The following TPMT variants were observed in gnomAD, a reference collection of about 807,000 sequenced individuals.
TPMT encodes the protein thiopurine S-methyltransferase.
TPMT carries 18 observed loss-of-function variants against 34.2 expected under a neutral mutation model. The observed-to-expected ratio is 0.53, with a 90% CI of 0.36 to 0.78. TPMT has a LOEUF of 0.78. Ranked by LOEUF, TPMT falls within the 30% of genes least tolerant of loss-of-function variation. The probability of loss-of-function intolerance (pLI) is 0.00; values close to 1 mark genes in which losing one functional copy is unlikely to be tolerated. For synonymous variants in TPMT, 69 were observed against 92.4 expected, an observed-to-expected ratio of 0.75 and a Z score of 1.45; for missense variants, 265 against 288.1, an observed-to-expected ratio of 0.92 and a Z score of 0.58.
In TPMT at chr6:18,138,780, G is replaced by C. The variant is rs928946489; in HGVS notation, c.494+183C>G. On this transcript the variant is annotated intron_variant, in intron 6 of 8. Transcript: ENST00000309983. The surrounding 1 kb of genome is among the most constrained non-coding windows in gnomAD (Gnocchi z 4.1). Reference sequence around the variant, plus strand: ...ACAAGCCTTATAGCCTTACACCCAGGTCTCTGTAGTCAAATCCTATACTTT... The same window carrying C: ...ACAAGCCTTATAGCCTTACACCCAGCTCTCTGTAGTCAAATCCTATACTTT... Among the ~76,000 whole-genome samples the C allele has an allele frequency of 2.6e-5, 4 of 152,106 alleles. No individual in the cohort carries two copies. Among genetic ancestry groups the C allele is most frequent in the African/African-American group, 4.8e-5 (2 of 41,408 alleles).
In TPMT at chr6:18,130,640, G is replaced by A. The variant is rs1356341799; in HGVS notation, c.*28C>T. 7.1e-7 allele frequency: 1 copy of A among 1,412,620 alleles called. No individual in the cohort carries two copies. Among genetic ancestry groups the A allele is most frequent in the East Asian group, 2.3e-5 (1 of 43,884 alleles). The allele number at this position is 1,412,620 out of a possible 1,614,324, so 87.5% of individuals were successfully genotyped here. ...TTTTCAATTCCTCAAAAACATGTCA[G>A]TGTGATTTTATTTTATCTATGTCTC... On this transcript the variant is annotated 3_prime_UTR_variant, in exon 9 of 9. Coordinates refer to ENST00000309983, the MANE Select transcript of TPMT (RefSeq NM_000367.5). This position sits in a 1 kb window ranked among gnomAD's most constrained non-coding sequence, Gnocchi z 4.2.
chr6:18,149,134 A>G lies in TPMT; in HGVS notation c.-7T>C, dbSNP rs1784303642. 2 of 1,614,072 alleles carry G rather than the reference A, an allele frequency of 1.2e-6. No individual in the cohort carries two copies. The highest frequency in any genetic ancestry group is 1.7e-6 in the Non-Finnish European group (2 of 1,180,016). On this transcript the variant is annotated 5_prime_UTR_variant, in exon 2 of 9. It removes the in-frame stop codon of an upstream open reading frame in the 5' UTR. Transcript: ENST00000309983. This position sits in a 1 kb window ranked among gnomAD's most constrained non-coding sequence, Gnocchi z 5.0. ...AAGTTCTTGTACCATCCATAGTTTC[A>G]GAGACACCTTTGTCTCACAAGCATA...
Position 18,150,338 on chromosome 6 carries a change from C to T in TPMT, c.-44-1167G>A, listed in dbSNP as rs368375655. Reference sequence around the variant, plus strand: ...TTGGGTTTTTATGTAGGCTTCATCACGTAGGCATTATTGTACTTACTCCTA... The same window carrying T: ...TTGGGTTTTTATGTAGGCTTCATCATGTAGGCATTATTGTACTTACTCCTA... On this transcript the variant is annotated intron_variant, in intron 1 of 8. Coordinates refer to ENST00000309983, the MANE Select transcript of TPMT (RefSeq NM_000367.5). This position sits in a 1 kb window ranked among gnomAD's most constrained non-coding sequence, Gnocchi z 5.3. 6.6e-6 allele frequency among the ~76,000 whole-genome samples: 1 copy of T among 152,218 alleles called. No individual in the cohort carries two copies. The highest frequency in any genetic ancestry group is 1.9e-4 in the East Asian group (1 of 5,202).
rs1209514513 is a variant in TPMT at position 18,136,423 on chromosome 6, C to T, written c.495-2534G>A. ...GTATAATCTGTTCAGTTACTTGCCCCGCCTCTGGCATACTATCTATTTGGA... is the reference window on the plus strand; with the variant it reads ...GTATAATCTGTTCAGTTACTTGCCCTGCCTCTGGCATACTATCTATTTGGA... On this transcript the variant is annotated intron_variant, in intron 6 of 8. Coordinates refer to ENST00000309983, the MANE Select transcript of TPMT (RefSeq NM_000367.5). The surrounding 1 kb of genome is among the most constrained non-coding windows in gnomAD (Gnocchi z 4.7). Among the ~76,000 whole-genome samples the T allele has an allele frequency of 6.6e-6, 1 of 152,008 alleles. No homozygotes were observed. The highest frequency in any genetic ancestry group is 1.5e-5 in the Non-Finnish European group (1 of 67,994).
intron 1 of TPMT, among the ~76,000 whole-genome samples, chr6:18,151,826 TTC>T (rs1357596707): frequency 6.6e-6 from 1 of 152,076 alleles, no homozygotes. Flanking sequence ...GTCTTAAGGA[TTC>T]TGTCGTTGGA....
rs142371514 is a variant in TPMT, at chr6:18,136,071, G to A, written c.495-2182C>T. 1.6e-3 allele frequency among the ~76,000 whole-genome samples: 247 copies of A among 152,216 alleles called. No homozygotes were observed. The highest frequency in any genetic ancestry group is 0.01 in the Middle Eastern group (3 of 294). ...CTCAGCCTCCCAAAGTGCTGGGTCC[G>A]CTCTTGGTCTGCACGTGGTGACTTT... On this transcript the variant is annotated intron_variant, in intron 6 of 8. Coordinates refer to ENST00000309983, the MANE Select transcript of TPMT (RefSeq NM_000367.5). The surrounding 1 kb of genome is among the most constrained non-coding windows in gnomAD (Gnocchi z 4.7).
rs1367902548 is a variant in TPMT at position 18,150,401 on chromosome 6, A to G, written c.-44-1230T>C. On this transcript the variant is annotated intron_variant, in intron 1 of 8. Coordinates refer to ENST00000309983, the MANE Select transcript of TPMT (RefSeq NM_000367.5). This position sits in a 1 kb window ranked among gnomAD's most constrained non-coding sequence, Gnocchi z 5.3. Reference sequence around the variant, plus strand: ...ATTCTGCCAATTGTCCCAATTTCCTATCAGTACACAGTCAGTCTCTCCAGT... The same window carrying G: ...ATTCTGCCAATTGTCCCAATTTCCTGTCAGTACACAGTCAGTCTCTCCAGT... Among the ~76,000 whole-genome samples, 1 of 152,100 alleles carries G rather than the reference A, an allele frequency of 6.6e-6. No homozygotes were observed. Among genetic ancestry groups the G allele is most frequent in the Non-Finnish European group, 1.5e-5 (1 of 68,010 alleles).
chr6:18,132,074 G>T lies in TPMT; in HGVS notation c.625+59C>A. 21 of 1,586,696 alleles carry T rather than the reference G, an allele frequency of 1.3e-5. No homozygotes were observed. Among genetic ancestry groups the T allele is most frequent in the Non-Finnish European group, 1.8e-5 (21 of 1,155,978 alleles). On this transcript the variant is annotated intron_variant, in intron 8 of 8. Coordinates refer to ENST00000309983, the MANE Select transcript of TPMT (RefSeq NM_000367.5). The surrounding 1 kb of genome is among the most constrained non-coding windows in gnomAD (Gnocchi z 4.8). Reference sequence around the variant, plus strand: ...ATACAGGCATGAGCCAGCACGCCAGGCCCAAAAGAGTTAACTTGACTTTGT... The same window carrying T: ...ATACAGGCATGAGCCAGCACGCCAGTCCCAAAAGAGTTAACTTGACTTTGT...
At chr6:18,141,442 C>T (rs1050995211) in intron 4 of TPMT, among the ~76,000 whole-genome samples, 8 of 151,472 alleles carry the variant, frequency 5.3e-5, no homozygotes, top group African/African-American at 1.5e-4. Context: ...CAGGTTCAAG[C>T]GATTCTCCTG....
intron 7 of TPMT, 103 bp downstream of exon 7, chr6:18,133,701 T>C: frequency 1.2e-6 from 1 of 869,450 alleles, no homozygotes; most frequent in Non-Finnish European, 1.8e-6. Context: ...GTATGCTTCC[T>C]ATGAGATAAA....
In TPMT at chr6:18,148,891, C is replaced by G; in HGVS notation, c.140+97G>C. ...AAAATGTGAAGAATTAAATGTGCAT[C>G]CTAAAAGTTAGTCAAATAATGTGTA... On this transcript the variant is annotated intron_variant, in intron 2 of 8. Coordinates refer to ENST00000309983, the MANE Select transcript of TPMT (RefSeq NM_000367.5). This position sits in a 1 kb window ranked among gnomAD's most constrained non-coding sequence, Gnocchi z 4.1. The G allele has an allele frequency of 6.4e-7, 1 of 1,565,800 alleles. No homozygotes were observed. The highest frequency in any genetic ancestry group is 1.7e-5 in the Admixed American group (1 of 59,782).
At chr6:18,141,292 A>T (rs1291175365) in intron 4 of TPMT, among the ~76,000 whole-genome samples, 1 of 151,824 alleles carries the variant, frequency 6.6e-6, no homozygotes, top group African/African-American at 2.4e-5. Flanking sequence ...TGGGAGGAAG[A>T]TGTGAAATAA....
Position 18,143,734 on chromosome 6 carries a change from T to C in TPMT, c.234-6A>G, listed in dbSNP as rs1257553930. On this transcript the variant is annotated splice_region_variant and splice_polypyrimidine_tract_variant and intron_variant, in intron 3 of 8. Coordinates refer to ENST00000309983, the MANE Select transcript of TPMT (RefSeq NM_000367.5). The surrounding 1 kb of genome is among the most constrained non-coding windows in gnomAD (Gnocchi z 6.1). Reference sequence around the variant, plus strand: ...TGTGTCCCCGGTCTGCAAACCTGCATAAAATCATACATTTACACTTAAATT... The same window carrying C: ...TGTGTCCCCGGTCTGCAAACCTGCACAAAATCATACATTTACACTTAAATT... The C allele has an allele frequency of 6.2e-6, 10 of 1,613,904 alleles. No individual in the cohort carries two copies. Among genetic ancestry groups the C allele is most frequent in the Non-Finnish European group, 7.6e-6 (9 of 1,179,998 alleles).
chr6:18,147,967 CTT>C, intron 2 of TPMT, 52 bp from the exon 3 acceptor site: 1 of 1,347,062 alleles, frequency 7.4e-7, no homozygotes, highest in Non-Finnish European at 1.1e-6. Context: ...TAGGTGAACA[CTT>C]TTCATTCATT....
At position 18,130,401 on chromosome 6, in the gene TPMT, C is replaced by T; in HGVS notation, c.*267G>A. On this transcript the variant is annotated 3_prime_UTR_variant, in exon 9 of 9. Coordinates refer to ENST00000309983, the MANE Select transcript of TPMT (RefSeq NM_000367.5). The surrounding 1 kb of genome is among the most constrained non-coding windows in gnomAD (Gnocchi z 4.2). ...TAACACATGCTGATTGGTAAAATATCTTGCAATCTGCAAGACACATAGGCA... is the reference window on the plus strand; with the variant it reads ...TAACACATGCTGATTGGTAAAATATTTTGCAATCTGCAAGACACATAGGCA... 4 of 380,530 alleles carry T rather than the reference C, an allele frequency of 1.1e-5. No individual in the cohort carries two copies. In the South Asian group the frequency reaches 1.2e-4, roughly 12 times the overall value. 23.6% of individuals were successfully genotyped at this position (380,530 alleles called of 1,614,324 possible).
Position 18,139,189 on chromosome 6 carries a change from G to A in TPMT, c.420-152C>T, listed in dbSNP as rs1404850071. 3 of 753,558 alleles carry A rather than the reference G, an allele frequency of 4.0e-6. No homozygotes were observed. The highest frequency in any genetic ancestry group is 3.5e-5 in the African/African-American group (2 of 57,338). 46.7% of individuals were successfully genotyped at this position (753,558 alleles called of 1,614,324 possible). ...TCCTCCTAGAGGAATGTGTGGACCT[G>A]GGTGTGGAGAGCTGTCCATCCCCTC... On this transcript the variant is annotated intron_variant, in intron 5 of 8. Transcript: ENST00000309983. The surrounding 1 kb of genome is among the most constrained non-coding windows in gnomAD (Gnocchi z 4.2).
At chr6:18,142,980 C>T (rs1784172712) in intron 4 of TPMT, among the ~76,000 whole-genome samples, 1 of 152,058 alleles carries the variant, frequency 6.6e-6, no homozygotes, top group Admixed American at 6.6e-5. Context: ...TGTCTCTCTG[C>T]CAGGAGGCTA....
Position 18,148,390 on chromosome 6 carries a change from T to TATG in TPMT, c.141-478_141-476dup, listed in dbSNP as rs775698594. Among the ~76,000 whole-genome samples, 359 of 151,898 alleles carry TATG rather than the reference T, an allele frequency of 2.4e-3. No homozygotes were observed. The highest frequency in any genetic ancestry group is 7.8e-3 in the African/African-American group (323 of 41,460). The stretch of plus-strand genomic sequence containing the variant: ...GACAGAAATAACCCAGTGTTTCTGG[T>TATG]ATGATGATGATGATGATGATGATGT... On this transcript the variant is annotated intron_variant, in intron 2 of 8. Transcript: ENST00000309983. This position sits in a 1 kb window ranked among gnomAD's most constrained non-coding sequence, Gnocchi z 4.1.
rs148057331 is a variant in TPMT, at chr6:18,151,593, T to G, written c.-44-2422A>C. On this transcript the variant is annotated intron_variant, in intron 1 of 8. Transcript: ENST00000309983. Reference sequence around the variant, plus strand: ...ACCTAGATTTATTTATTTATTTATTTATTTATTTATTTATTTATTTATTTA... The same window carrying G: ...ACCTAGATTTATTTATTTATTTATTGATTTATTTATTTATTTATTTATTTA... 9.5e-3 allele frequency among the ~76,000 whole-genome samples: 1,436 copies of G among 150,912 alleles called. 23 individuals are homozygous for G. The highest frequency in any genetic ancestry group is 0.032 in the African/African-American group (1,337 of 41,244).
Sources: gnomAD v4.1 joint callset for allele counts (sites outside exome capture counted in the v4.1 genomes callset) on GRCh38, gnomAD v4.1.1 for gene constraint, Gnocchi (gnomAD v3.1) non-coding constraint, MANE v1.5 for transcripts, NCBI Gene and HGNC (gene_info 2026-07-23, HGNC 2026-07-21) for gene names.